Variants in PMM1 observed in about 807,000 individuals in gnomAD.
The protein encoded by PMM1 is phosphomannomutase 1.
PMM1 carries 25 observed loss-of-function variants against 34.0 expected under a neutral mutation model. The ratio of observed to expected loss-of-function variants is 0.73; its 90% confidence interval spans 0.54 to 1.03. PMM1 has a LOEUF of 1.03. PMM1 is among the 50% of genes least tolerant of loss of function. The probability of loss-of-function intolerance (pLI) is 0.00; values close to 1 mark genes in which losing one functional copy is unlikely to be tolerated. For synonymous variants in PMM1, 134 were observed against 143.9 expected, an observed-to-expected ratio of 0.93 and a Z score of 0.49; for missense variants, 321 against 350.1, an observed-to-expected ratio of 0.92 and a Z score of 0.66.
intron 1 of PMM1, among the ~76,000 whole-genome samples, chr22:41,588,388 T>G (rs2067337484): frequency 6.6e-6 from 1 of 152,196 alleles, no homozygotes; most frequent in African/African-American, 2.4e-5. Flanking sequence ...CCTGGCTAAT[T>G]TTTTGTATTT....
In PMM1 at chr22:41,577,007, C is replaced by T. The variant is rs954339683; in HGVS notation, c.*311G>A. ...AGGCAGGGCAGGCTAGATCTCGTAC[C>T]GATACTTGAGCACGCCTCCTCCTGG... On this transcript the variant is annotated 3_prime_UTR_variant, in exon 8 of 8. Transcript: ENST00000216259. 7 of 434,190 alleles carry T rather than the reference C, an allele frequency of 1.6e-5. No individual in the cohort carries two copies. Among genetic ancestry groups the T allele is most frequent in the African/African-American group, 6.0e-5 (3 of 49,782 alleles). 26.9% of individuals were successfully genotyped at this position (434,190 alleles called of 1,614,324 possible).
At chr22:41,579,013 C>G in intron 5 of PMM1, 132 bp from the exon 6 acceptor site, 1 of 717,404 alleles carries the variant, frequency 1.4e-6, no homozygotes, top group South Asian at 1.6e-5. Flanking sequence ...GATGCGCAAA[C>G]TAAGGCTCAG....
Position 41,589,208 on chromosome 22 carries a change from A to T in PMM1, c.87+511T>A, listed in dbSNP as rs770466582. On this transcript the variant is annotated intron_variant, in intron 1 of 7. Coordinates refer to ENST00000216259, the MANE Select transcript of PMM1 (RefSeq NM_002676.3). ...TGGGTGATGGGGCTTCAGAAACTAG[A>T]CCCAGTCCCAGGCCTGCAAAGGTCG... 3.1e-6 allele frequency: 3 copies of T among 953,566 alleles called. No homozygotes were observed. In the South Asian group the frequency reaches 4.1e-5, roughly 13 times the overall value. 59.1% of individuals were successfully genotyped at this position (953,566 alleles called of 1,614,324 possible).
At chr22:41,583,040 G>T (rs1264048194) in intron 5 of PMM1, among the ~76,000 whole-genome samples, 1 of 152,092 alleles carries the variant, frequency 6.6e-6, no homozygotes, top group Non-Finnish European at 1.5e-5. Context: ...GAAAGGAGAC[G>T]CGGAGAGCCA....
rs770135862 is a variant in PMM1 at position 41,578,892 on chromosome 22, G to A, written c.475-11C>T. ...CCGGATCTTCTCTTTCTGCAGAGGG[G>A]AGGGAGCGGATGGCAGCTCAGAGGA... On this transcript the variant is annotated splice_polypyrimidine_tract_variant and intron_variant, in intron 5 of 7. Transcript: ENST00000216259. 6 of 1,613,344 alleles carry A rather than the reference G, an allele frequency of 3.7e-6. No homozygotes were observed. The highest frequency in any genetic ancestry group is 2.2e-5 in the South Asian group (2 of 91,030).
intron 6 of PMM1, among the ~76,000 whole-genome samples, chr22:41,578,545 A>G (rs2067203262): frequency 6.6e-6 from 1 of 152,026 alleles, no homozygotes; most frequent in South Asian, 2.1e-4. Flanking sequence ...GGGGGAGAGC[A>G]TTCAAGGGAG....
chr22:41,577,614 C>T (rs1296710001), intron 7 of PMM1, 174 bp from the exon 8 acceptor site: 2 of 869,044 alleles, frequency 2.3e-6, no homozygotes, highest in African/African-American at 1.7e-5. Flanking sequence ...TGCCCAGCCT[C>T]TTGGGGCCCC....
chr22:41,589,786 G>C lies in PMM1; in HGVS notation c.20C>G (p.Ala7Gly). Residue 7 changes from alanine (A) to glycine (G), a missense_variant, in exon 1 of 8, where the codon GCA (alanine) becomes GGA (glycine). Transcript: ENST00000216259. Reference sequence around the variant, plus strand: ...GAGGACGCGCTCCTTCCTGCGGGCTGCCTGGGCGGTGACTGCCATGGCTGC... The same window carrying C: ...GAGGACGCGCTCCTTCCTGCGGGCTCCCTGGGCGGTGACTGCCATGGCTGC... MAVTAQ[A>G]ARRKERVLCL... 2 of 1,608,906 alleles carry C rather than the reference G, an allele frequency of 1.2e-6. No homozygotes were observed. Among genetic ancestry groups the C allele is most frequent in the Non-Finnish European group, 1.7e-6 (2 of 1,178,474 alleles).
chr22:41,581,974 A>G (rs1699921571), intron 5 of PMM1, among the ~76,000 whole-genome samples: 1 of 150,574 alleles, frequency 6.6e-6, no homozygotes, highest in Admixed American at 6.6e-5. Flanking sequence ...ACAGAGCAAG[A>G]CTCTGTCTAA....
At chr22:41,581,375 AG>A (rs935785251) in intron 5 of PMM1, among the ~76,000 whole-genome samples, 2 of 151,798 alleles carry the variant, frequency 1.3e-5, no homozygotes, top group Non-Finnish European at 2.9e-5. Flanking sequence ...CCTAAGCCTC[AG>A]GGCACAGGTG....
intron 1 of PMM1, among the ~76,000 whole-genome samples, chr22:41,586,962 T>TA (rs566062876): frequency 0.069 from 6,172 of 89,372 alleles, 376 homozygotes; most frequent in African/African-American, 0.19. Context: ...TACTAAAAAT[T>TA]AAAAAAAAAA....
Position 41,577,062 on chromosome 22 carries a change from T to A in PMM1, c.*256A>T, listed in dbSNP as rs1292364760. On this transcript the variant is annotated 3_prime_UTR_variant, in exon 8 of 8. Coordinates refer to ENST00000216259, the MANE Select transcript of PMM1 (RefSeq NM_002676.3). ...GAAAGAAACCTCTTCTGTACCGAAATACAAGCAGCAGCTGTGGCCTGGGCC... is the reference window on the plus strand; with the variant it reads ...GAAAGAAACCTCTTCTGTACCGAAAAACAAGCAGCAGCTGTGGCCTGGGCC... 8 of 546,940 alleles carry A rather than the reference T, an allele frequency of 1.5e-5. No homozygotes were observed. The Admixed American group carries it at 1.6e-4, about 11-fold the overall frequency. 33.9% of individuals were successfully genotyped at this position (546,940 alleles called of 1,614,324 possible). A position where few individuals can be genotyped will look rare whatever the true frequency, so the allele number is the denominator to read the frequency against.
At chr22:41,584,787 GA>G in intron 2 of PMM1, 184 bp from the exon 3 acceptor site, 1 of 580,354 alleles carries the variant, frequency 1.7e-6, no homozygotes, top group Non-Finnish European at 3.1e-6. Context: ...TTCTTCCAAA[GA>G]AGCCAGTCAC....
intron 2 of PMM1, chr22:41,585,474 T>C (rs2067297546): frequency 6.6e-6 from 1 of 150,714 alleles, no homozygotes. Context: ...TTTATTTATT[T>C]ATTTATTTAT....
chr22:41,589,135 T>G, intron 1 of PMM1: 1 of 1,303,906 alleles, frequency 7.7e-7, no homozygotes, highest in Non-Finnish European at 1.0e-6. Flanking sequence ...CATAAACGAA[T>G]TTGAAAAGAA....
In PMM1 at chr22:41,589,438, G is replaced by A. The variant is rs534275670; in HGVS notation, c.87+281C>T. ...CGGCGTGTGACAGCCTCCGGGGAGG[G>A]AGGGAGCTAGGCCCCTGCTCGCAGC... On this transcript the variant is annotated intron_variant, in intron 1 of 7. Coordinates refer to ENST00000216259, the MANE Select transcript of PMM1 (RefSeq NM_002676.3). 60 of 547,506 alleles carry A rather than the reference G, an allele frequency of 1.1e-4. 1 individual carries two copies. Among genetic ancestry groups the A allele is most frequent in the South Asian group, 9.9e-4 (49 of 49,470 alleles). 33.9% of individuals were successfully genotyped at this position (547,506 alleles called of 1,614,324 possible). A position where few individuals can be genotyped will look rare whatever the true frequency, so the allele number is the denominator to read the frequency against.
intron 4 of PMM1, 88 bp from the exon 5 acceptor site, chr22:41,584,146 G>T: frequency 7.7e-7 from 1 of 1,305,764 alleles, no homozygotes; most frequent in Non-Finnish European, 1.1e-6. Context: ...AGCCTCCTAG[G>T]ACTTCAAAGG....
chr22:41,581,664 G>A (rs886525513), intron 5 of PMM1, among the ~76,000 whole-genome samples: 2 of 151,790 alleles, frequency 1.3e-5, no homozygotes, highest in Non-Finnish European at 2.9e-5. Flanking sequence ...GACCAGCCTG[G>A]GCAACACGGT....
rs73420894 is a variant in PMM1, at chr22:41,589,233, G to A, written c.87+486C>T. The stretch of plus-strand genomic sequence containing the variant: ...ACCCAGTCCCAGGCCTGCAAAGGTC[G>A]GGGTGGGAAGACTCCGAGACGCCCT... On this transcript the variant is annotated intron_variant, in intron 1 of 7. Transcript: ENST00000216259. 3,132 of 686,638 alleles carry A rather than the reference G, an allele frequency of 4.6e-3. 89 individuals are homozygous for A. The African/African-American group carries it at 0.054, about 12-fold the overall frequency. The allele number at this position is 686,638 out of a possible 1,614,324, so 42.5% of individuals were successfully genotyped here.
Sources: allele counts gnomAD v4.1 joint callset (sites outside exome capture counted in the v4.1 genomes callset), GRCh38; gene constraint gnomAD v4.1.1; transcripts MANE v1.5; gene names NCBI Gene and HGNC (gene_info 2026-07-23, HGNC 2026-07-21).